WWOX: variants seen among roughly 807,000 people sequenced by gnomAD.
The protein encoded by WWOX is WW domain-containing oxidoreductase.
A neutral mutation model predicts 46.2 loss-of-function variants in WWOX; 69 were observed. The ratio of observed to expected loss-of-function variants is 1.49; its 90% CI spans 1.23 to 1.82. The LOEUF (loss-of-function observed/expected upper bound fraction) is 1.82. Among genes scored for constraint, WWOX ranks in the 40% most tolerant of loss-of-function variants. The pLI, the probability that WWOX is intolerant of heterozygous loss-of-function variation, is 0.00. For missense variants in WWOX, 919 were observed against 542.6 expected (o/e 1.69, Z -6.89); for synonymous variants, 359 against 202.6 (o/e 1.77, Z -6.56).
intron 4 of WWOX, among the ~76,000 whole-genome samples, chr16:78,144,920 T>C (rs1330773296): frequency 6.6e-6 from 1 of 152,220 alleles, no homozygotes; most frequent in Non-Finnish European, 1.5e-5. Flanking sequence ...TCTGCAGTTA[T>C]TTTATTCAAT....
chr16:79,133,010 G>T (rs1033674070), intron 8 of WWOX, among the ~76,000 whole-genome samples: 1 of 152,168 alleles, frequency 6.6e-6, no homozygotes, highest in African/African-American at 2.4e-5. Flanking sequence ...CAGGCACACA[G>T]CTCTGTGAGA....
chr16:79,154,845 A>G (rs548049466), intron 8 of WWOX, among the ~76,000 whole-genome samples: 17 of 152,316 alleles, frequency 1.1e-4, no homozygotes, highest in South Asian at 4.1e-4. Flanking sequence ...GTGCTTTTAT[A>G]AACTTGATCC....
At chr16:78,933,355 C>T (rs908158577) in intron 8 of WWOX, among the ~76,000 whole-genome samples, 1 of 152,208 alleles carries the variant, frequency 6.6e-6, no homozygotes, top group Admixed American at 6.5e-5. Context: ...AGGAGAACTG[C>T]TCGAACCCAG....
intron 8 of WWOX, among the ~76,000 whole-genome samples, chr16:78,654,358 G>A (rs2047034309): frequency 6.6e-6 from 1 of 152,194 alleles, no homozygotes; most frequent in African/African-American, 2.4e-5. Context: ...TCATCATCGT[G>A]TTCCTTCACA....
rs1400516322 is a variant in WWOX at position 78,413,410 on chromosome 16, G to A, written c.606-11460G>A. On this transcript the variant is annotated intron_variant, in intron 6 of 8. Coordinates refer to ENST00000566780, the MANE Select transcript of WWOX (RefSeq NM_016373.4). ...GATGGGATTGTCATTAGTTCTTAGA[G>A]GTTTTGGCATAGGCGGTAGAGTTAG... 2.0e-5 allele frequency among the ~76,000 whole-genome samples: 3 copies of A among 152,204 alleles called. No individual in the cohort carries two copies. The East Asian group carries it at 5.8e-4, about 29-fold the overall frequency.
At chr16:79,140,677 G>C (rs1172788571) in intron 8 of WWOX, among the ~76,000 whole-genome samples, 1 of 152,226 alleles carries the variant, frequency 6.6e-6, no homozygotes, top group Non-Finnish European at 1.5e-5. Flanking sequence ...TGGATTTAGA[G>C]GCCAGTTGGC....
At chr16:78,410,011 G>T (rs550769237) in intron 6 of WWOX, among the ~76,000 whole-genome samples, 1 of 152,242 alleles carries the variant, frequency 6.6e-6, no homozygotes, top group Admixed American at 6.5e-5. Context: ...GGCGGTGGGT[G>T]TGCTGGGAGG....
intron 8 of WWOX, among the ~76,000 whole-genome samples, chr16:78,951,437 T>A (rs2046057720): frequency 6.6e-6 from 1 of 152,056 alleles, no homozygotes. Flanking sequence ...GGACCTGGAA[T>A]AAAGACCACC....
At chr16:78,465,273 C>T (rs140084615) in intron 8 of WWOX, among the ~76,000 whole-genome samples, 1 of 152,226 alleles carries the variant, frequency 6.6e-6, no homozygotes, top group Non-Finnish European at 1.5e-5. Context: ...GGAAATCATA[C>T]TGATTTAGAC....
chr16:78,380,431 C>T (rs1193290177), intron 5 of WWOX, among the ~76,000 whole-genome samples: 3 of 152,134 alleles, frequency 2.0e-5, no homozygotes. Context: ...GGATAAATAA[C>T]TGCTGTGGGG....
intron 8 of WWOX, among the ~76,000 whole-genome samples, chr16:79,088,108 C>T (rs371019112): frequency 1.3e-5 from 2 of 152,186 alleles, no homozygotes; most frequent in Non-Finnish European, 2.9e-5. Context: ...TCTTGACTCT[C>T]TCAGGCTCCT....
intron 8 of WWOX, among the ~76,000 whole-genome samples, chr16:78,542,321 C>A (rs1324223895): frequency 1.3e-5 from 2 of 151,942 alleles, no homozygotes; most frequent in Non-Finnish European, 2.9e-5. Flanking sequence ...CATGATGTAC[C>A]CTGTGTTCTG....
In WWOX at chr16:78,621,055, C is replaced by A. The variant is rs1273747076; in HGVS notation, c.1056+188303C>A. Among the ~76,000 whole-genome samples, 10 of 152,222 alleles carry A rather than the reference C, an allele frequency of 6.6e-5. No individual in the cohort carries two copies. In the East Asian group the frequency reaches 1.9e-3, roughly 29 times the overall value. On this transcript the variant is annotated intron_variant, in intron 8 of 8. Coordinates refer to ENST00000566780, the MANE Select transcript of WWOX (RefSeq NM_016373.4). ...CTGTTTAAGGTAAAGCCTGTGGCAG[C>A]CTTTAACTTCCTTTCTCTTCTCCTG...
chr16:79,004,459 G>A (rs569689710), intron 8 of WWOX: 1 of 152,446 alleles, frequency 6.6e-6, no homozygotes, highest in Non-Finnish European at 1.5e-5. Flanking sequence ...TGCGGTCAGA[G>A]GCAGACCCTG....
intron 4 of WWOX, among the ~76,000 whole-genome samples, chr16:78,142,586 T>G (rs553378482): frequency 6.6e-6 from 1 of 152,324 alleles, no homozygotes; most frequent in East Asian, 1.9e-4. Context: ...AGTGTTGTAT[T>G]TAGGAAGAAC....
At position 78,959,036 on chromosome 16, in the gene WWOX, T is replaced by A. The variant is rs139288747; in HGVS notation, c.1057-252572T>A. ...TTCTATAACAGCAAGACATTTAATATTAAAATAATGTAATGTTTTTAAAAA... is the reference window on the plus strand; with the variant it reads ...TTCTATAACAGCAAGACATTTAATAATAAAATAATGTAATGTTTTTAAAAA... On this transcript the variant is annotated intron_variant, in intron 8 of 8. Transcript: ENST00000566780. Among the ~76,000 whole-genome samples, 52 of 152,314 alleles carry A rather than the reference T, an allele frequency of 3.4e-4. No homozygotes were observed. The East Asian group carries it at 0.01, about 29-fold the overall frequency.
intron 8 of WWOX, among the ~76,000 whole-genome samples, chr16:78,626,769 T>C (rs998388699): frequency 2.0e-5 from 3 of 152,200 alleles, no homozygotes; most frequent in African/African-American, 4.8e-5. Flanking sequence ...CTGCATGGAA[T>C]ATTTGTGTCT....
chr16:78,336,823 G>A (rs753074642), intron 5 of WWOX, among the ~76,000 whole-genome samples: 8 of 152,000 alleles, frequency 5.3e-5, no homozygotes, highest in Admixed American at 4.6e-4. Context: ...ACGAAGTTTC[G>A]CTCTCATTTC....
chr16:78,901,684 T>G (rs961238325), intron 8 of WWOX, among the ~76,000 whole-genome samples: 17 of 152,162 alleles, frequency 1.1e-4, no homozygotes, highest in African/African-American at 4.1e-4. Flanking sequence ...TAACACGGTT[T>G]TTTCATGTTG....
Sources: allele counts gnomAD v4.1 joint callset (sites outside exome capture counted in the v4.1 genomes callset), GRCh38; gene constraint gnomAD v4.1.1; transcripts MANE v1.5; gene names NCBI Gene and HGNC (gene_info 2026-07-23, HGNC 2026-07-21).